The following PLCL1 variants were observed in gnomAD, a reference collection of about 807,000 sequenced individuals.
PLCL1 encodes the protein phospholipase C like 1 (inactive), also known as inactive phospholipase C-like protein 1.
A neutral mutation model predicts 84.4 loss-of-function variants in PLCL1; 41 were observed. The observed-to-expected ratio is 0.49, with a 90% CI of 0.38 to 0.63. The LOEUF (loss-of-function observed/expected upper bound fraction) is 0.63. Among genes scored for constraint, PLCL1 ranks in the 30% least tolerant of loss-of-function variants. The pLI, the probability that PLCL1 is intolerant of heterozygous loss-of-function variation, is 0.00. For missense variants in PLCL1, 1,206 were observed against 1,367.8 expected, an observed-to-expected ratio of 0.88 and a Z score of 1.87; for synonymous variants, 490 against 488.3, an observed-to-expected ratio of 1.00 and a Z score of -0.05.
At chr2:197,859,526 T>C (rs916091914) in intron 1 of PLCL1, among the ~76,000 whole-genome samples, 14 of 152,172 alleles carry the variant, frequency 9.2e-5, no homozygotes, top group African/African-American at 2.9e-4. Context: ...ATATATACAG[T>C]GATGCACCAC....
At chr2:198,016,852 C>G (rs758402706) in intron 1 of PLCL1, among the ~76,000 whole-genome samples, 1 of 152,172 alleles carries the variant, frequency 6.6e-6, no homozygotes, top group Admixed American at 6.5e-5. Flanking sequence ...TTTCTACCTT[C>G]CTTGTGCCTT....
At chr2:197,930,674 C>T (rs947492730) in intron 1 of PLCL1, among the ~76,000 whole-genome samples, 1 of 152,044 alleles carries the variant, frequency 6.6e-6, no homozygotes, top group Non-Finnish European at 1.5e-5. Flanking sequence ...TTCTGAGCTG[C>T]AACACACTGC....
rs1692805899 is a variant in PLCL1 at position 198,084,538 on chromosome 2, G to A, written c.1021G>A (p.Ala341Thr). ...CAATGATCTCATGCTCTTTTTAGAAGCTGAGCAAGGAGTCACCCATATCAC... is the reference window on the plus strand; with the variant it reads ...CAATGATCTCATGCTCTTTTTAGAAACTGAGCAAGGAGTCACCCATATCAC... Reference protein sequence around the residue: ...DANDLMLFLEAEQGVTHITED... With the variant: ...DANDLMLFLETEQGVTHITED... Residue 341 changes from alanine to threonine, a missense_variant, in exon 2 of 6, where the codon GCT becomes ACT. By Grantham distance (58) the Ala-to-Thr change is moderately conservative (BLOSUM62 0). Coordinates refer to ENST00000428675, the MANE Select transcript of PLCL1 (RefSeq NM_006226.4). 1 of 1,613,890 alleles carries A rather than the reference G, an allele frequency of 6.2e-7. No homozygotes were observed. The highest frequency in any genetic ancestry group is 1.3e-5 in the African/African-American group (1 of 74,914).
At chr2:197,892,080 C>T (rs1207058240) in intron 1 of PLCL1, among the ~76,000 whole-genome samples, 1 of 152,212 alleles carries the variant, frequency 6.6e-6, no homozygotes, top group Non-Finnish European at 1.5e-5. Context: ...CCGTTGACCC[C>T]TTTCTCTGTG....
At chr2:197,886,603 A>G (rs1687929338) in intron 1 of PLCL1, among the ~76,000 whole-genome samples, 1 of 152,084 alleles carries the variant, frequency 6.6e-6, no homozygotes, top group Non-Finnish European at 1.5e-5. Context: ...GTGGAAAAAA[A>G]AATTATCAGA....
chr2:197,897,173 TC>T (rs1688160848), intron 1 of PLCL1, among the ~76,000 whole-genome samples: 1 of 51,756 alleles, frequency 1.9e-5, no homozygotes, highest in African/African-American at 9.4e-5. Flanking sequence ...TTCTTCTTCT[TC>T]TTCTTCTTCT....
chr2:197,815,777 T>C (rs1315261644), intron 1 of PLCL1, among the ~76,000 whole-genome samples: 2 of 152,134 alleles, frequency 1.3e-5, no homozygotes, highest in Non-Finnish European at 2.9e-5. Context: ...GGGAAGTCAC[T>C]GTAGACGGGG....
rs987379197 is a variant in PLCL1, at chr2:198,064,046, C to T, written c.241-19712C>T. 2.6e-5 allele frequency among the ~76,000 whole-genome samples: 4 copies of T among 152,298 alleles called. No individual in the cohort carries two copies. The East Asian group carries it at 7.7e-4, about 29-fold the overall frequency. On this transcript the variant is annotated intron_variant, in intron 1 of 5. Transcript: ENST00000428675. ...TACATAGCTATGGGATTTCTACAAA[C>T]TTTTATTCAACAAGTATTTATTGAC...
At chr2:198,141,412 C>T (rs1694383129) in intron 5 of PLCL1, among the ~76,000 whole-genome samples, 1 of 151,268 alleles carries the variant, frequency 6.6e-6, no homozygotes, top group African/African-American at 2.4e-5. Flanking sequence ...AGCAAGAATT[C>T]CAGGCCATCT....
intron 1 of PLCL1, among the ~76,000 whole-genome samples, chr2:197,910,272 C>G (rs1349760357): frequency 1.3e-5 from 2 of 152,174 alleles, no homozygotes; most frequent in African/African-American, 4.8e-5. Context: ...TGAAGATGCC[C>G]AAGCATTTTG....
At chr2:197,924,840 T>G (rs1688804407) in intron 1 of PLCL1, among the ~76,000 whole-genome samples, 1 of 152,126 alleles carries the variant, frequency 6.6e-6, no homozygotes, top group Non-Finnish European at 1.5e-5. Context: ...TTTTTAACGT[T>G]ACATTTAGAT....
intron 1 of PLCL1, among the ~76,000 whole-genome samples, chr2:197,866,530 G>C (rs1471253551): frequency 6.6e-6 from 1 of 152,026 alleles, no homozygotes; most frequent in African/African-American, 2.4e-5. Flanking sequence ...TCTACTGTCA[G>C]CACCTGCATC....
intron 1 of PLCL1, among the ~76,000 whole-genome samples, chr2:198,058,008 A>G (rs1359133295): frequency 2.6e-5 from 4 of 152,356 alleles, no homozygotes; most frequent in Admixed American, 6.5e-5. Context: ...GATTCAACAA[A>G]TAAATACTAT....
At chr2:197,939,695 T>C (rs1234064975) in intron 1 of PLCL1, among the ~76,000 whole-genome samples, 1 of 148,996 alleles carries the variant, frequency 6.7e-6, no homozygotes, top group Non-Finnish European at 1.5e-5. Flanking sequence ...GTTGAGGTAC[T>C]GGGGATTGGG....
At chr2:198,133,737 A>G (rs967142116) in intron 5 of PLCL1, among the ~76,000 whole-genome samples, 2 of 152,024 alleles carry the variant, frequency 1.3e-5, no homozygotes, top group African/African-American at 4.8e-5. Context: ...TTGCTGTTCC[A>G]TTTCCCAATA....
At chr2:197,965,850 G>T (rs1689721068) in intron 1 of PLCL1, among the ~76,000 whole-genome samples, 1 of 152,046 alleles carries the variant, frequency 6.6e-6, no homozygotes, top group Non-Finnish European at 1.5e-5. Context: ...CCATGTGTTT[G>T]TATAGTTTCC....
chr2:198,073,746 A>G (rs1692515048), intron 1 of PLCL1, among the ~76,000 whole-genome samples: 1 of 152,222 alleles, frequency 6.6e-6, no homozygotes, highest in Non-Finnish European at 1.5e-5. Flanking sequence ...AAAATAATTT[A>G]AATGTCAGTT....
In PLCL1 at chr2:197,986,803, A is replaced by G. The variant is rs112414118; in HGVS notation, c.241-96955A>G. Among the ~76,000 whole-genome samples, 1,414 of 152,326 alleles carry G rather than the reference A, an allele frequency of 9.3e-3. 22 individuals are homozygous for G. Among genetic ancestry groups the G allele is most frequent in the African/African-American group, 0.032 (1,340 of 41,568 alleles). On this transcript the variant is annotated intron_variant, in intron 1 of 5. Transcript: ENST00000428675. The stretch of plus-strand genomic sequence containing the variant: ...GATCTTTGGGGAGTTAGACAATACA[A>G]TCATCATTCCTGAGAGCTATTTGGT...
At chr2:197,911,691 C>G (rs1004731069) in intron 1 of PLCL1, among the ~76,000 whole-genome samples, 9 of 152,080 alleles carry the variant, frequency 5.9e-5, no homozygotes, top group South Asian at 2.1e-4. Flanking sequence ...TGAGGAATGC[C>G]TAATACCCTG....
Sources: allele counts gnomAD v4.1 joint callset (sites outside exome capture counted in the v4.1 genomes callset), GRCh38; gene constraint gnomAD v4.1.1; transcripts MANE v1.5; gene names NCBI Gene and HGNC (gene_info 2026-07-23, HGNC 2026-07-21).